Variants in CHST11 observed in about 807,000 individuals in gnomAD.
CHST11 encodes the protein C4S-1.
In CHST11, 9 loss-of-function variants were observed where a neutral mutation model predicts 30.4. The observed-to-expected ratio is 0.30, with a 90% confidence interval of 0.18 to 0.52. The LOEUF is 0.52. Ranked by LOEUF, CHST11 falls within the 20% of genes least tolerant of loss-of-function variation. The probability of loss-of-function intolerance (pLI) is 0.97; values close to 1 mark genes in which losing one functional copy is unlikely to be tolerated. For synonymous variants in CHST11, 152 were observed against 187.8 expected, an observed-to-expected ratio of 0.81 and a Z score of 1.56; for missense variants, 348 against 460.6, an observed-to-expected ratio of 0.76 and a Z score of 2.24.
chr12:104,506,684 G>A (rs1882497), intron 1 of CHST11, among the ~76,000 whole-genome samples: 92,261 of 152,074 alleles, frequency 0.61, 28,196 homozygotes, highest in African/African-American at 0.68. Context: ...GTGTCCGACA[G>A]AGATGGAAAC....
intron 1 of CHST11, among the ~76,000 whole-genome samples, chr12:104,485,898 T>G (rs1448311435): frequency 6.6e-6 from 1 of 152,244 alleles, no homozygotes; most frequent in Non-Finnish European, 1.5e-5. Flanking sequence ...TGCACCATTG[T>G]TAGGCGGCAG....
chr12:104,518,431 A>C (rs766578026), intron 1 of CHST11, among the ~76,000 whole-genome samples: 4 of 152,200 alleles, frequency 2.6e-5, no homozygotes, highest in Non-Finnish European at 5.9e-5. Flanking sequence ...GGTAAGGGAT[A>C]TTCAGAGGTT....
rs1285495998 is a variant in CHST11, at chr12:104,580,453, CTT to C, written c.119-21451_119-21450del. 4.6e-5 allele frequency among the ~76,000 whole-genome samples: 7 copies of C among 152,156 alleles called. No homozygotes were observed. The East Asian group carries it at 1.3e-3, about 29-fold the overall frequency. The stretch of plus-strand genomic sequence containing the variant: ...TGGGATGTAATTTATTTCAGTGGAG[CTT>C]TAAGCCCTCATGCATGGTAGACATG... On this transcript the variant is annotated intron_variant, in intron 1 of 2. Transcript: ENST00000303694.
intron 1 of CHST11, among the ~76,000 whole-genome samples, chr12:104,547,968 AG>A (rs2038367255): frequency 6.6e-6 from 1 of 152,178 alleles, no homozygotes; most frequent in South Asian, 2.1e-4. Flanking sequence ...ATGGTGGATG[AG>A]GGGGTGAAGC....
intron 1 of CHST11, among the ~76,000 whole-genome samples, chr12:104,499,454 C>T (rs1383535233): frequency 6.6e-6 from 1 of 152,150 alleles, no homozygotes; most frequent in Non-Finnish European, 1.5e-5. Flanking sequence ...CCTGGAGCAG[C>T]AACTGGTGAT....
chr12:104,618,099 G>A (rs932430063), intron 2 of CHST11, among the ~76,000 whole-genome samples: 12 of 151,788 alleles, frequency 7.9e-5, no homozygotes, highest in African/African-American at 2.9e-4. Context: ...AGTAGAGACG[G>A]GTTTTCACCA....
chr12:104,511,845 G>A (rs1016131251), intron 1 of CHST11, among the ~76,000 whole-genome samples: 7 of 152,080 alleles, frequency 4.6e-5, no homozygotes, highest in Non-Finnish European at 7.4e-5. Context: ...GTCATCTCTG[G>A]GTATCCATGG....
At chr12:104,752,941 C>G (rs1034821721) in intron 2 of CHST11, among the ~76,000 whole-genome samples, 2 of 152,190 alleles carry the variant, frequency 1.3e-5, no homozygotes, top group African/African-American at 4.8e-5. Flanking sequence ...GGAGCATCTC[C>G]TATGGGGCTG....
intron 1 of CHST11, among the ~76,000 whole-genome samples, chr12:104,512,799 G>A (rs78878425): frequency 0.084 from 12,778 of 152,122 alleles, 1,043 homozygotes; most frequent in African/African-American, 0.22. Context: ...TACTACCAAT[G>A]TGATGGACAG....
intron 1 of CHST11, chr12:104,553,000 T>G (rs1328922994): frequency 6.6e-6 from 1 of 152,180 alleles, no homozygotes; most frequent in Non-Finnish European, 1.5e-5. Context: ...ACTGTGGTGT[T>G]GAAAAGCAGT....
chr12:104,650,768 T>A (rs964160320), intron 2 of CHST11, among the ~76,000 whole-genome samples: 17 of 152,170 alleles, frequency 1.1e-4, no homozygotes, highest in African/African-American at 4.1e-4. Context: ...AGAGGCACAA[T>A]AGCACTTGGG....
chr12:104,559,066 G>A (rs2038488088), intron 1 of CHST11, among the ~76,000 whole-genome samples: 1 of 151,708 alleles, frequency 6.6e-6, no homozygotes, highest in Non-Finnish European at 1.5e-5. Flanking sequence ...CCACCGAGAG[G>A]GAGGAGCTGT....
chr12:104,748,044 A>T (rs2040402283), intron 2 of CHST11, among the ~76,000 whole-genome samples: 1 of 152,230 alleles, frequency 6.6e-6, no homozygotes, highest in Middle Eastern at 3.2e-3. Flanking sequence ...CTAAACGAGA[A>T]TGCAGGACAC....
At chr12:104,591,984 G>A (rs2038862993) in intron 1 of CHST11, among the ~76,000 whole-genome samples, 1 of 146,432 alleles carries the variant, frequency 6.8e-6, no homozygotes, top group African/African-American at 2.5e-5. Flanking sequence ...ATAGCCAGCA[G>A]TGTGTCCTTG....
At chr12:104,513,126 G>T (rs12370944) in intron 1 of CHST11, among the ~76,000 whole-genome samples, 221 of 54,738 alleles carry the variant, frequency 4.0e-3, no homozygotes, top group East Asian at 0.028. Context: ...TCATGACTGG[G>T]GGGGGGGGGG....
chr12:104,671,060 CAT>C (rs1372521654), intron 2 of CHST11, among the ~76,000 whole-genome samples: 2 of 152,220 alleles, frequency 1.3e-5, no homozygotes, highest in Non-Finnish European at 2.9e-5. Flanking sequence ...GAGCTGAAAA[CAT>C]AATCACCAGA....
intron 2 of CHST11, among the ~76,000 whole-genome samples, chr12:104,688,613 A>G (rs2039870001): frequency 6.6e-6 from 1 of 152,238 alleles, no homozygotes; most frequent in Non-Finnish European, 1.5e-5. Flanking sequence ...AGATATTCTC[A>G]AGATAATCTT....
Position 104,547,190 on chromosome 12 carries a change from C to G in CHST11, c.119-54716C>G, listed in dbSNP as rs143269652. Among the ~76,000 whole-genome samples the G allele has an allele frequency of 2.4e-3, 358 of 152,222 alleles. 2 individuals carry two copies. The highest frequency in any genetic ancestry group is 8.3e-3 in the African/African-American group (345 of 41,524). On this transcript the variant is annotated intron_variant, in intron 1 of 2. Coordinates refer to ENST00000303694, the MANE Select transcript of CHST11 (RefSeq NM_018413.6). ...ACAGGTACAAATCGTAAGATCTTCC[C>G]GAGGACTGGATACAGGAGAAAGAAA... is the stretch of plus-strand genomic sequence containing the variant.
chr12:104,541,805 G>A (rs1239194962), intron 1 of CHST11, among the ~76,000 whole-genome samples: 2 of 152,206 alleles, frequency 1.3e-5, no homozygotes, highest in Non-Finnish European at 2.9e-5. Flanking sequence ...GCAGGTGCCT[G>A]TAATCCCAGA....
Sources: allele counts gnomAD v4.1 joint callset (sites outside exome capture counted in the v4.1 genomes callset), GRCh38; gene constraint gnomAD v4.1.1; transcripts MANE v1.5; gene names NCBI Gene and HGNC (gene_info 2026-07-23, HGNC 2026-07-21).